AAAS: variants seen among roughly 807,000 people sequenced by gnomAD.
AAAS encodes aladin WD repeat nucleoporin.
A neutral mutation model predicts 75.6 loss-of-function variants in AAAS; 60 were observed. That is an observed-to-expected ratio of 0.79 (90% CI 0.64 to 0.98). AAAS has a LOEUF of 0.98. Ranked by LOEUF, AAAS falls within the 50% of genes least tolerant of loss-of-function variation. The pLI, the probability that AAAS is intolerant of heterozygous loss-of-function variation, is 0.00. For missense variants in AAAS, 658 were observed against 686.9 expected (o/e 0.96, Z 0.47); for synonymous variants, 271 against 265.0 (o/e 1.02, Z -0.22).
intron 3 of AAAS, 76 bp downstream of exon 3, chr12:53,315,651 G>C: frequency 6.5e-7 from 1 of 1,537,848 alleles, no homozygotes; most frequent in Admixed American, 1.8e-5. Flanking sequence ...GAGCCAACAG[G>C]TGTCGGGGGT....
chr12:53,321,573 C>T lies in AAAS; in HGVS notation c.-108G>A, dbSNP rs1944559246. On this transcript the variant is annotated 5_prime_UTR_variant, in exon 1 of 16. Transcript: ENST00000209873. ...GCTAGATTCGTATGCGGACGGGTAC[C>T]GCAAGGGACAAACGGCGAGGCGGAA... 4 of 1,583,636 alleles carry T rather than the reference C, an allele frequency of 2.5e-6. No homozygotes were observed. The highest frequency in any genetic ancestry group is 1.7e-6 in the Non-Finnish European group (2 of 1,163,246).
At position 53,321,601 on chromosome 12, in the gene AAAS, C is replaced by A. The variant is rs1256893402; in HGVS notation, c.-136G>T. 3 of 1,471,378 alleles carry A rather than the reference C, an allele frequency of 2.0e-6. No homozygotes were observed. Among genetic ancestry groups the A allele is most frequent in the Non-Finnish European group, 1.9e-6 (2 of 1,066,462 alleles). The allele number at this position is 1,471,378 out of a possible 1,614,324, so 91.1% of individuals were successfully genotyped here. A position where few individuals can be genotyped will look rare whatever the true frequency, so the allele number is the denominator to read the frequency against. ...AAGGGACAAACGGCGAGGCGGAACT[C>A]AACGGAAGTGAAGAAAAGACTAACG... is the stretch of plus-strand genomic sequence containing the variant. On this transcript the variant is annotated 5_prime_UTR_variant, in exon 1 of 16. Transcript: ENST00000209873.
chr12:53,317,775 G>A (rs2136816723), intron 2 of AAAS, among the ~76,000 whole-genome samples: 1 of 151,892 alleles, frequency 6.6e-6, no homozygotes, highest in African/African-American at 2.4e-5. Flanking sequence ...CAGGAACCTA[G>A]GAAAAAGGTG....
chr12:53,315,273 T>G (rs1353354540), intron 4 of AAAS, 62 bp downstream of exon 4: 3 of 1,601,690 alleles, frequency 1.9e-6, no homozygotes, highest in African/African-American at 2.7e-5. Context: ...AGGATAGGAA[T>G]GAGGGCAGAG....
intron 7 of AAAS, among the ~76,000 whole-genome samples, chr12:53,311,450 CAAAA>C (rs987207281): frequency 6.6e-6 from 1 of 151,690 alleles, no homozygotes; most frequent in African/African-American, 2.4e-5. Context: ...TTAGTAGAAA[CAAAA>C]AAAACCAACA....
intron 7 of AAAS, among the ~76,000 whole-genome samples, chr12:53,310,235 C>A (rs913950578): frequency 2.0e-5 from 3 of 152,240 alleles, no homozygotes; most frequent in Admixed American, 6.5e-5. Context: ...TACCTCCCAA[C>A]TCTGCAGCTC....
chr12:53,308,748 G>T lies in AAAS; in HGVS notation c.1064C>A (p.Ser355Tyr). 2 of 1,614,120 alleles carry T rather than the reference G, an allele frequency of 1.2e-6. No individual in the cohort carries two copies. Among genetic ancestry groups the T allele is most frequent in the South Asian group, 2.2e-5 (2 of 91,072 alleles). The change falls in exon 11 of 16, where the codon TCC becomes TAC. Residue 355 changes from serine to tyrosine, a missense_variant. Physicochemically the swap from Ser to Tyr is moderately radical, Grantham distance 144 (BLOSUM62 -2). Coordinates refer to ENST00000209873, the MANE Select transcript of AAAS (RefSeq NM_015665.6). ...ACCACAACGTTCTGGAAAAGACAGG[G>T]AGTAAATCAGTGGCTCTCCCAATAC... ...FTVLGEPLIYSLSFPERCGEG... is the reference protein window; with the variant it reads ...FTVLGEPLIYYLSFPERCGEG...
chr12:53,315,559 C>G lies in AAAS; in HGVS notation c.308-133G>C, dbSNP rs1944449519. ...CAGTAAGTGCTCTCAACACCACACT[C>G]TGGACACCCACTCTGGACACCCACT... On this transcript the variant is annotated intron_variant, in intron 3 of 15. Transcript: ENST00000209873. The G allele has an allele frequency of 2.5e-6, 3 of 1,178,040 alleles. No individual in the cohort carries two copies. The Admixed American group carries it at 5.9e-5, about 23-fold the overall frequency. The allele number at this position is 1,178,040 out of a possible 1,614,324, so 73.0% of individuals were successfully genotyped here. A position where few individuals can be genotyped will look rare whatever the true frequency, so the allele number is the denominator to read the frequency against.
Position 53,313,665 on chromosome 12 carries a change from G to A in AAAS, c.689+633C>T, listed in dbSNP as rs531644258. Among the ~76,000 whole-genome samples the A allele has an allele frequency of 3.3e-5, 5 of 151,178 alleles. No individual in the cohort carries two copies. The South Asian group carries it at 1.0e-3, about 32-fold the overall frequency. ...GCTCTGTTGCCCAGGCTGGAGTACA[G>A]TGGCATGATCTTGGCTCACTGCAAC... On this transcript the variant is annotated intron_variant, in intron 7 of 15. Coordinates refer to ENST00000209873, the MANE Select transcript of AAAS (RefSeq NM_015665.6).
chr12:53,317,779 A>G (rs1944487048), intron 2 of AAAS, among the ~76,000 whole-genome samples: 1 of 152,162 alleles, frequency 6.6e-6, no homozygotes, highest in African/African-American at 2.4e-5. Context: ...AACCTAGGAA[A>G]AAGGTGAAAG....
chr12:53,320,578 A>C lies in AAAS; in HGVS notation c.238T>G (p.Cys80Gly), dbSNP rs767681617. The change falls in exon 2 of 16, where the codon TGC becomes GGC. Residue 80 changes from cysteine (C) to glycine (G), a missense_variant. Transcript: ENST00000209873. ...IHHREQVWKR[C>G]INIWRDVGLF... ...GCCATGCCTCACCAAATGTTGATGC[A>C]TCTCTTCCACACTTGCTCCCGGTGA... 2.2e-5 allele frequency: 36 copies of C among 1,613,852 alleles called. 1 individual carries two copies. The highest frequency in any genetic ancestry group is 2.6e-5 in the Non-Finnish European group (31 of 1,179,972).
intron 7 of AAAS, 133 bp from the exon 8 acceptor site, chr12:53,309,854 G>GTA (rs1164997889): frequency 1.6e-5 from 22 of 1,370,140 alleles, no homozygotes; most frequent in Middle Eastern, 1.9e-4. Flanking sequence ...TTGTGAAAAA[G>GTA]GAATAAGGAT....
intron 7 of AAAS, among the ~76,000 whole-genome samples, chr12:53,311,318 T>C (rs904914677): frequency 1.3e-5 from 2 of 152,250 alleles, no homozygotes; most frequent in African/African-American, 4.8e-5. Flanking sequence ...TAGAGTACAA[T>C]GGCATTATCT....
chr12:53,321,426 C>G lies in AAAS; in HGVS notation c.40G>C (p.Gly14Arg). 1 of 1,614,226 alleles carries G rather than the reference C, an allele frequency of 6.2e-7. No homozygotes were observed. The highest frequency in any genetic ancestry group is 8.5e-7 in the Non-Finnish European group (1 of 1,180,050). Residue 14 changes from glycine (G) to arginine (R), a missense_variant, in exon 1 of 16, where the codon GGT (glycine) becomes CGT (arginine). Gly to Arg is a moderately radical substitution (Grantham distance 125). Coordinates refer to ENST00000209873, the MANE Select transcript of AAAS (RefSeq NM_015665.6). ...TTGTGCTCATATAGGGTGACTTGAC[C>G]CCGAGGCGGTGGAGGAGGGAACAAC... ...LGLFPPPPPR[G>R]QVTLYEHNNE...
intron 3 of AAAS, 85 bp from the exon 4 acceptor site, chr12:53,315,511 G>A (rs1944448773): frequency 7.5e-7 from 1 of 1,333,634 alleles, no homozygotes; most frequent in Non-Finnish European, 1.1e-6. Context: ...AGGAAGGACA[G>A]GCACTCCCCA....
At chr12:53,313,365 C>T (rs527454214) in intron 7 of AAAS, among the ~76,000 whole-genome samples, 116 of 151,788 alleles carry the variant, frequency 7.6e-4, no homozygotes, top group African/African-American at 2.7e-3. Flanking sequence ...GGGGTTTCGC[C>T]ATGTTGGCCA....
intron 7 of AAAS, among the ~76,000 whole-genome samples, chr12:53,311,450 C>CA (rs987207281): frequency 5.3e-5 from 8 of 151,690 alleles, no homozygotes; most frequent in Non-Finnish European, 8.8e-5. Flanking sequence ...TTAGTAGAAA[C>CA]AAAAAAAACC....
intron 7 of AAAS, among the ~76,000 whole-genome samples, chr12:53,311,799 A>G (rs1944392835): frequency 6.6e-6 from 1 of 152,106 alleles, no homozygotes; most frequent in Admixed American, 6.6e-5. Context: ...CTGTAGTCCC[A>G]GCTACTTGGG....
In AAAS at chr12:53,311,286, G is replaced by A. The variant is rs116248855; in HGVS notation, c.690-1565C>T. Among the ~76,000 whole-genome samples the A allele has an allele frequency of 5.6e-3, 848 of 152,088 alleles. 8 individuals are homozygous for A. The highest frequency in any genetic ancestry group is 0.019 in the African/African-American group (800 of 41,490). ...ATTTAAAAAAATTTTTTTAAATCGA[G>A]TTCCGCTCTTGTCACCCAGGCTAGA... On this transcript the variant is annotated intron_variant, in intron 7 of 15. Coordinates refer to ENST00000209873, the MANE Select transcript of AAAS (RefSeq NM_015665.6).
Sources: gnomAD v4.1 joint callset for allele counts (sites outside exome capture counted in the v4.1 genomes callset) on GRCh38, gnomAD v4.1.1 for gene constraint, MANE v1.5 for transcripts, NCBI Gene and HGNC (gene_info 2026-07-23, HGNC 2026-07-21) for gene names.